Variants in ULK4 observed in about 807,000 individuals in gnomAD.
ULK4 encodes inactive serine/threonine-protein kinase ULK4.
In ULK4, 133 loss-of-function variants were observed where a neutral mutation model predicts 160.6. The ratio of observed to expected loss-of-function variants is 0.83; its 90% CI spans 0.72 to 0.96. The LOEUF (loss-of-function observed/expected upper bound fraction) is 0.96, where lower values mean the gene tolerates loss of function less well. Ranked by LOEUF, ULK4 falls within the 40% of genes least tolerant of loss-of-function variation. The pLI, the probability that ULK4 is intolerant of heterozygous loss-of-function variation, is 0.00. For synonymous variants in ULK4, 534 were observed against 539.8 expected (o/e 0.99, Z 0.15); for missense variants, 1,580 against 1,499.5 (o/e 1.05, Z -0.89).
intron 29 of ULK4, among the ~76,000 whole-genome samples, chr3:41,679,761 G>A (rs1317471112): frequency 6.6e-6 from 1 of 152,232 alleles, no homozygotes; most frequent in African/African-American, 2.4e-5. Flanking sequence ...TTACTAAACT[G>A]TGAAGTCCTG....
At chr3:41,706,898 TATAGAG>T (rs1264900271) in intron 25 of ULK4, among the ~76,000 whole-genome samples, 1 of 126,898 alleles carries the variant, frequency 7.9e-6, no homozygotes, top group African/African-American at 4.2e-5. Flanking sequence ...TGTATATATA[TATAGAG>T]AGAGAGAGAG....
chr3:41,480,167 A>G (rs1413927475), intron 32 of ULK4, among the ~76,000 whole-genome samples: 1 of 145,410 alleles, frequency 6.9e-6, no homozygotes, highest in Non-Finnish European at 1.5e-5. Context: ...AGATTGCACC[A>G]CTGCGCTCCA....
chr3:41,735,639 G>A (rs934271822), intron 22 of ULK4, among the ~76,000 whole-genome samples: 68 of 151,746 alleles, frequency 4.5e-4, no homozygotes, highest in African/African-American at 1.6e-3. Flanking sequence ...TTTACAGAGA[G>A]TCAAAACACT....
At chr3:41,397,815 A>G (rs1381308544) in intron 35 of ULK4, among the ~76,000 whole-genome samples, 1 of 152,186 alleles carries the variant, frequency 6.6e-6, no homozygotes, top group African/African-American at 2.4e-5. Flanking sequence ...TTTAGGAAAT[A>G]CAAACTTAGA....
chr3:41,593,985 C>T (rs1316996645), intron 31 of ULK4, among the ~76,000 whole-genome samples: 1 of 151,754 alleles, frequency 6.6e-6, no homozygotes, highest in Non-Finnish European at 1.5e-5. Flanking sequence ...GCGGAGGTTG[C>T]AGTGAGCTGA....
intron 34 of ULK4, among the ~76,000 whole-genome samples, chr3:41,410,207 T>C (rs770783595): frequency 2.6e-5 from 4 of 152,172 alleles, no homozygotes; most frequent in Non-Finnish European, 5.9e-5. Context: ...AGTCTATGTT[T>C]ACATAACAAT....
chr3:41,699,426 T>C (rs141228302), intron 27 of ULK4, among the ~76,000 whole-genome samples: 1 of 152,256 alleles, frequency 6.6e-6, no homozygotes, highest in Non-Finnish European at 1.5e-5. Flanking sequence ...TTATGTATAC[T>C]GCAGCCAGAA....
chr3:41,809,223 T>C (rs1270248566), intron 19 of ULK4, among the ~76,000 whole-genome samples: 2 of 151,612 alleles, frequency 1.3e-5, no homozygotes, highest in South Asian at 2.1e-4. Flanking sequence ...TGCTACTTTA[T>C]AGATGTTTGT....
At chr3:41,832,090 G>C (rs1005434054) in intron 18 of ULK4, among the ~76,000 whole-genome samples, 4 of 152,130 alleles carry the variant, frequency 2.6e-5, no homozygotes, top group African/African-American at 9.7e-5. Context: ...GGGTCAAATG[G>C]TATTTCTGGT....
At chr3:41,946,805 G>C (rs1399404318) in intron 2 of ULK4, among the ~76,000 whole-genome samples, 1 of 152,138 alleles carries the variant, frequency 6.6e-6, no homozygotes, top group Admixed American at 6.6e-5. Flanking sequence ...TTACAGGAGA[G>C]GGTGGCATTT....
intron 7 of ULK4, among the ~76,000 whole-genome samples, chr3:41,918,137 C>A (rs1412152368): frequency 1.3e-5 from 2 of 152,094 alleles, no homozygotes; most frequent in Non-Finnish European, 2.9e-5. Context: ...GATACGACTA[C>A]AAAGTAAGTA....
At chr3:41,559,084 T>A (rs1272936328) in intron 32 of ULK4, among the ~76,000 whole-genome samples, 1 of 149,374 alleles carries the variant, frequency 6.7e-6, no homozygotes, top group Non-Finnish European at 1.5e-5. Flanking sequence ...TGTCCATATG[T>A]TCTCATTGTT....
At chr3:41,624,434 A>G (rs1169317085) in intron 30 of ULK4, among the ~76,000 whole-genome samples, 1 of 152,198 alleles carries the variant, frequency 6.6e-6, no homozygotes, top group African/African-American at 2.4e-5. Context: ...ATATTCTACT[A>G]AGGCATAACC....
intron 35 of ULK4, among the ~76,000 whole-genome samples, chr3:41,274,269 A>G (rs1218388512): frequency 1.3e-5 from 2 of 152,090 alleles, no homozygotes; most frequent in African/African-American, 2.4e-5. Flanking sequence ...CTATTACTCC[A>G]TCTTGACCAG....
At chr3:41,676,136 G>A (rs1005424663) in intron 29 of ULK4, among the ~76,000 whole-genome samples, 1 of 152,036 alleles carries the variant, frequency 6.6e-6, no homozygotes, top group Non-Finnish European at 1.5e-5. Context: ...CCTAATAAAT[G>A]GGCATTGATA....
chr3:41,369,401 A>G (rs149732669), intron 35 of ULK4, among the ~76,000 whole-genome samples: 7,039 of 151,012 alleles, frequency 0.047, 384 homozygotes, highest in East Asian at 0.21. Flanking sequence ...GGCTGAGGTG[A>G]GAGGATCACC....
Position 41,431,547 on chromosome 3 carries a change from C to CATTTTTTTTTTTTTTTTTTTTTTT in ULK4, c.3492+23949_3492+23950insAAAAAAAAAAAAAAAAAAAAAAAT, listed in dbSNP as rs563543377. Among the ~76,000 whole-genome samples the CATTTTTTTTTTTTTTTTTTTTTTT allele has an allele frequency of 2.1e-4, 20 of 95,868 alleles. 2 individuals carry two copies. Among genetic ancestry groups the CATTTTTTTTTTTTTTTTTTTTTTT allele is most frequent in the African/African-American group, 8.0e-4 (19 of 23,688 alleles). 62.9% of individuals were successfully genotyped at this position (95,868 alleles called of 152,430 possible). A position where few individuals can be genotyped will look rare whatever the true frequency, so the allele number is the denominator to read the frequency against. ...CCTGTGAGGTGTTGTAATTCCCTCC[C>CATTTTTTTTTTTTTTTTTTTTTTT]TTTTTTTTTTTTTTTGATGTGGAAA... is the stretch of plus-strand genomic sequence containing the variant. On this transcript the variant is annotated intron_variant, in intron 34 of 36. Transcript: ENST00000301831.
At chr3:41,807,544 CTTCA>C (rs1411166657) in intron 19 of ULK4, among the ~76,000 whole-genome samples, 1 of 152,100 alleles carries the variant, frequency 6.6e-6, no homozygotes, top group East Asian at 1.9e-4. Context: ...TTTGCCCCAG[CTTCA>C]TTATCTACAA....
intron 31 of ULK4, among the ~76,000 whole-genome samples, chr3:41,592,378 C>A (rs1028785616): frequency 6.6e-6 from 1 of 151,984 alleles, no homozygotes; most frequent in African/African-American, 2.4e-5. Context: ...GGTCCTCGGG[C>A]GGGCTGCCTA....
Sources: gnomAD v4.1 joint callset for allele counts (sites outside exome capture counted in the v4.1 genomes callset) on GRCh38, gnomAD v4.1.1 for gene constraint, MANE v1.5 for transcripts, NCBI Gene and HGNC (gene_info 2026-07-23, HGNC 2026-07-21) for gene names.